The following SAMD12 variants were observed in gnomAD, a reference collection of about 807,000 sequenced individuals.
SAMD12 encodes the protein sterile alpha motif domain-containing protein 12.
A neutral mutation model predicts 15.0 loss-of-function variants in SAMD12; 9 were observed. That is an observed-to-expected ratio of 0.60 (90% CI 0.36 to 1.05). The LOEUF is 1.05. Among genes scored for constraint, SAMD12 ranks in the 50% least tolerant of loss-of-function variants. SAMD12 has a pLI of 0.01. For missense variants in SAMD12, 230 were observed against 234.2 expected (o/e 0.98, Z 0.12); for synonymous variants, 86 against 90.1 (o/e 0.96, Z 0.25).
At chr8:118,439,752 T>C in intron 3 of SAMD12, 80 bp downstream of exon 3, 1 of 1,388,070 alleles carries the variant, frequency 7.2e-7, no homozygotes, top group South Asian at 1.3e-5. Context: ...AGATGTTGTT[T>C]CATGGTAAGG....
intron 4 of SAMD12, among the ~76,000 whole-genome samples, chr8:118,349,551 T>C (rs1179579552): frequency 6.6e-6 from 1 of 152,222 alleles, no homozygotes; most frequent in Non-Finnish European, 1.5e-5. Flanking sequence ...GGTTCTTCTA[T>C]TGTTTAAAGT....
chr8:118,320,442 G>A (rs1415151029), intron 4 of SAMD12, among the ~76,000 whole-genome samples: 5 of 152,044 alleles, frequency 3.3e-5, no homozygotes, highest in Non-Finnish European at 4.4e-5. Flanking sequence ...CTCTTTTCAA[G>A]AATGTTTTTA....
chr8:118,491,721 C>T (rs73317316), intron 2 of SAMD12, among the ~76,000 whole-genome samples: 9,945 of 152,154 alleles, frequency 0.065, 650 homozygotes, highest in African/African-American at 0.16. Flanking sequence ...ATGTGTCTGG[C>T]TTCCTTCACT....
intron 4 of SAMD12, among the ~76,000 whole-genome samples, chr8:118,234,710 C>A (rs1354944108): frequency 6.5e-3 from 682 of 105,544 alleles, no homozygotes; most frequent in East Asian, 0.015. Context: ...GACTCCATCT[C>A]AAAAAAAAAA....
intron 1 of SAMD12, among the ~76,000 whole-genome samples, chr8:118,611,888 A>G (rs1828121639): frequency 1.3e-5 from 2 of 152,178 alleles, no homozygotes; most frequent in Non-Finnish European, 2.9e-5. Flanking sequence ...CTTGGAAGCA[A>G]TCCCACTATC....
chr8:118,414,937 A>T (rs1422917934), intron 3 of SAMD12, among the ~76,000 whole-genome samples: 1 of 151,970 alleles, frequency 6.6e-6, no homozygotes, highest in Non-Finnish European at 1.5e-5. Flanking sequence ...TGATTAATTT[A>T]CATTCACATA....
chr8:118,312,755 T>C (rs991929034), intron 4 of SAMD12, among the ~76,000 whole-genome samples: 4 of 152,140 alleles, frequency 2.6e-5, no homozygotes, highest in African/African-American at 9.7e-5. Flanking sequence ...ATTGAGGAAA[T>C]TGAGGTTTAG....
chr8:118,603,305 G>T (rs960077787), intron 1 of SAMD12, among the ~76,000 whole-genome samples: 9 of 152,074 alleles, frequency 5.9e-5, no homozygotes, highest in Admixed American at 5.9e-4. Flanking sequence ...GGACAAAATA[G>T]ACTCAAACCT....
the SAMD12 span, among the ~76,000 whole-genome samples, chr8:118,165,142 T>A: frequency 6.6e-6 from 1 of 152,114 alleles, no homozygotes; most frequent in African/African-American, 2.4e-5. Flanking sequence ...TCACTTCAGA[T>A]GTTAACTGCA....
chr8:118,401,917 A>C (rs938443861), intron 3 of SAMD12, among the ~76,000 whole-genome samples: 2 of 152,176 alleles, frequency 1.3e-5, no homozygotes, highest in Admixed American at 6.5e-5. Flanking sequence ...CACGATTTTC[A>C]ATCTAATTTT....
chr8:118,304,350 T>C (rs557396475), intron 4 of SAMD12, among the ~76,000 whole-genome samples: 1 of 152,366 alleles, frequency 6.6e-6, no homozygotes, highest in African/African-American at 2.4e-5. Flanking sequence ...TAAGTCTTCC[T>C]AGTCTTTTGA....
chr8:118,358,968 T>A (rs1818360238), intron 4 of SAMD12, among the ~76,000 whole-genome samples: 1 of 152,034 alleles, frequency 6.6e-6, no homozygotes, highest in African/African-American at 2.4e-5. Context: ...AAGTAGTAGT[T>A]ATAATGGATC....
intron 4 of SAMD12, among the ~76,000 whole-genome samples, chr8:118,371,190 T>C (rs1436546942): frequency 1.3e-5 from 2 of 152,180 alleles, no homozygotes; most frequent in Non-Finnish European, 2.9e-5. Flanking sequence ...CTAGAATGGC[T>C]GTGCGATGCT....
rs1817699274 is a variant in SAMD12, at chr8:118,347,040, T to C, written c.433+32520A>G. ...CTGCCTTAGTACCCCTTTACCCCCA[T>C]GGCCCACCTTGAATAGCTGGGACTA... is the stretch of plus-strand genomic sequence containing the variant. On this transcript the variant is annotated intron_variant, in intron 4 of 4. Coordinates refer to the SAMD12 transcript ENST00000409003. 2.0e-5 allele frequency among the ~76,000 whole-genome samples: 3 copies of C among 152,180 alleles called. No individual in the cohort carries two copies. In the South Asian group the frequency reaches 6.2e-4, roughly 32 times the overall value.
intron 4 of SAMD12, among the ~76,000 whole-genome samples, chr8:118,301,196 CA>C (rs1586472022): frequency 6.6e-6 from 1 of 152,068 alleles, no homozygotes; most frequent in East Asian, 1.9e-4. Context: ...ATGCAAAGAG[CA>C]AAAGGTGGTG....
chr8:118,301,860 G>A (rs565634611), intron 4 of SAMD12, among the ~76,000 whole-genome samples: 1 of 152,108 alleles, frequency 6.6e-6, no homozygotes, highest in African/African-American at 2.4e-5. Context: ...TACAGGTAGA[G>A]TCCATGACCA....
chr8:118,505,302 C>T (rs1824891587), intron 2 of SAMD12, among the ~76,000 whole-genome samples: 1 of 149,744 alleles, frequency 6.7e-6, no homozygotes, highest in South Asian at 2.2e-4. Flanking sequence ...GTGCTGCTGG[C>T]TTCTTTAGTA....
At chr8:118,302,525 C>T (rs896369027) in intron 4 of SAMD12, among the ~76,000 whole-genome samples, 1 of 152,078 alleles carries the variant, frequency 6.6e-6, no homozygotes, top group Non-Finnish European at 1.5e-5. Context: ...TAATTAAATC[C>T]AGGCCATAAT....
intron 1 of SAMD12, among the ~76,000 whole-genome samples, chr8:118,598,792 G>A (rs1246020050): frequency 1.3e-5 from 2 of 152,178 alleles, no homozygotes; most frequent in Non-Finnish European, 2.9e-5. Context: ...CCAGTCAATA[G>A]TAGTCTTGGC....
Sources: allele counts gnomAD v4.1 joint callset (sites outside exome capture counted in the v4.1 genomes callset), GRCh38; gene constraint gnomAD v4.1.1; transcripts MANE v1.5; gene names NCBI Gene and HGNC (gene_info 2026-07-23, HGNC 2026-07-21).